The following SANBR variants were observed in gnomAD, a reference collection of about 807,000 sequenced individuals.
SANBR encodes SANT and BTB domain regulator of CSR, also known as SANT and BTB domain regulator of class switch recombination.
A neutral mutation model predicts 101.8 loss-of-function variants in SANBR; 77 were observed. The observed-to-expected ratio is 0.76, with a 90% CI of 0.63 to 0.91. The LOEUF is 0.91. Among genes scored for constraint, SANBR ranks in the 40% least tolerant of loss-of-function variants. SANBR has a pLI of 0.00. For synonymous variants in SANBR, 279 were observed against 274.7 expected (o/e 1.02, Z -0.15); for missense variants, 875 against 853.0 (o/e 1.03, Z -0.32).
rs1447821299 is a variant in SANBR at position 61,088,378 on chromosome 2, T to G, written c.998T>G (p.Leu333Arg). Residue 333 changes from leucine (L) to arginine (R), a missense_variant, in exon 10 of 22, where the codon CTT becomes CGT. Coordinates refer to ENST00000402291, the MANE Select transcript of SANBR (RefSeq NM_001129993.3). ...TLYRCCLCKK[L>R]LTKETERRIP... ...TATAGATGCTGTTTGTGTAAGAAAC[T>G]TTTAACAAAAGAAACAGAAAGAAGA... The G allele has an allele frequency of 1.9e-6, 3 of 1,596,284 alleles. No individual in the cohort carries two copies. The highest frequency in any genetic ancestry group is 2.3e-5 in the South Asian group (2 of 87,206).
chr2:61,081,780 C>T (rs13431042), intron 7 of SANBR, among the ~76,000 whole-genome samples: 3,275 of 152,212 alleles, frequency 0.022, 131 homozygotes, highest in African/African-American at 0.074. Context: ...TCCCGAGTAG[C>T]TGGGACTACA....
At chr2:61,102,123 C>T (rs1428988560) in intron 12 of SANBR, among the ~76,000 whole-genome samples, 1 of 152,050 alleles carries the variant, frequency 6.6e-6, no homozygotes, top group African/African-American at 2.4e-5. Flanking sequence ...CCTGTAATCC[C>T]AGCACTTTGG....
intron 10 of SANBR, chr2:61,089,151 GA>G: frequency 1.0e-6 from 1 of 984,786 alleles, no homozygotes. Flanking sequence ...AAATTTTGGT[GA>G]GGAAAATTGT....
chr2:61,090,328 T>A (rs1292204295), intron 10 of SANBR: 1 of 152,294 alleles, frequency 6.6e-6, no homozygotes, highest in Non-Finnish European at 1.5e-5. Flanking sequence ...AGAAACCCTA[T>A]GAATGTTAAA....
chr2:61,107,262 A>AT (rs1683618645), intron 14 of SANBR, among the ~76,000 whole-genome samples: 1 of 152,076 alleles, frequency 6.6e-6, no homozygotes, highest in Admixed American at 6.6e-5. Flanking sequence ...ATGAATGGAT[A>AT]TTTTGTTTCC....
At position 61,109,253 on chromosome 2, in the gene SANBR, TG is replaced by T; in HGVS notation, c.1702del (p.Glu568LysfsTer56). ...EEYTTGSEVT[E>X]DEVGDEEEVS... Reference sequence around the variant, plus strand: ...AATATACCACTGGATCTGAGGTCACTGAAGATGAAGTTGGAGATGAAGAAGA... The same window carrying T: ...AATATACCACTGGATCTGAGGTCACTAAGATGAAGTTGGAGATGAAGAAGA... On this transcript the variant is annotated frameshift_variant, in exon 16 of 22. Coordinates refer to ENST00000402291, the MANE Select transcript of SANBR (RefSeq NM_001129993.3). LOFTEE classifies it high-confidence loss of function. The T allele has an allele frequency of 1.3e-6, 2 of 1,579,816 alleles. No individual in the cohort carries two copies. The highest frequency in any genetic ancestry group is 1.7e-6 in the Non-Finnish European group (2 of 1,161,190).
intron 6 of SANBR, 86 bp from the exon 7 acceptor site, chr2:61,081,366 T>C: frequency 8.0e-7 from 1 of 1,254,098 alleles, no homozygotes. Flanking sequence ...ATTCCAGTAA[T>C]GTCCTCTTTT....
rs1160014325 is a variant in SANBR at position 61,109,195 on chromosome 2, A to G, written c.1645-2A>G. ...TTTATAATAGATTTTTTTTTAACTTAGAAACAACAGTCACTGTTTTCAGAA... is the reference window on the plus strand; with the variant it reads ...TTTATAATAGATTTTTTTTTAACTTGGAAACAACAGTCACTGTTTTCAGAA... On this transcript the variant is annotated splice_acceptor_variant, in intron 15 of 21. Coordinates refer to ENST00000402291, the MANE Select transcript of SANBR (RefSeq NM_001129993.3). LOFTEE classifies it high-confidence loss of function. 3 of 1,424,774 alleles carry G rather than the reference A, an allele frequency of 2.1e-6. No homozygotes were observed. The highest frequency in any genetic ancestry group is 4.6e-5 in the Admixed American group (2 of 43,332). 88.3% of individuals were successfully genotyped at this position (1,424,774 alleles called of 1,614,324 possible). A position where few individuals can be genotyped will look rare whatever the true frequency, so the allele number is the denominator to read the frequency against.
At chr2:61,115,691 G>C (rs1684044041) in intron 16 of SANBR, 1 of 192,630 alleles carries the variant, frequency 5.2e-6, no homozygotes, top group Non-Finnish European at 1.1e-5. Context: ...AGCAGAGATT[G>C]CAGTGAGCCG....
At chr2:61,088,132 A>T in intron 8 of SANBR, 27 bp from the exon 9 acceptor site, 1 of 1,288,464 alleles carries the variant, frequency 7.8e-7, no homozygotes, top group Non-Finnish European at 1.1e-6. Context: ...GTAGAAAATT[A>T]ATATTTTGGT....
intron 12 of SANBR, among the ~76,000 whole-genome samples, chr2:61,102,690 C>G (rs1189276171): frequency 6.6e-6 from 1 of 151,872 alleles, no homozygotes; most frequent in Non-Finnish European, 1.5e-5. Context: ...GTGCGTGCCA[C>G]CATGCCTGGC....
At chr2:61,081,728 A>G (rs1382728842) in intron 7 of SANBR, among the ~76,000 whole-genome samples, 1 of 152,200 alleles carries the variant, frequency 6.6e-6, no homozygotes, top group African/African-American at 2.4e-5. Context: ...AGCTCACTGC[A>G]ACCTCTGCTT....
At chr2:61,098,006 C>T (rs1683110176) in intron 12 of SANBR, among the ~76,000 whole-genome samples, 154 bp downstream of exon 12, 1 of 151,562 alleles carries the variant, frequency 6.6e-6, no homozygotes, top group Admixed American at 6.6e-5. Context: ...TAGAGATAAT[C>T]ACTGTTAATG....
chr2:61,071,179 T>A (rs1357122125), intron 3 of SANBR, among the ~76,000 whole-genome samples: 1 of 152,172 alleles, frequency 6.6e-6, no homozygotes, highest in Admixed American at 6.6e-5. Context: ...CAGGTTAATA[T>A]TTGCTTACAA....
At chr2:61,117,057 C>CAAA (rs200334199) in intron 17 of SANBR, 43 of 317,402 alleles carry the variant, frequency 1.4e-4, no homozygotes, top group African/African-American at 2.6e-4. Flanking sequence ...ACCCTGTCTT[C>CAAA]AAAAAAAAAA....
At chr2:61,074,693 C>T (rs1482891061) in intron 5 of SANBR, among the ~76,000 whole-genome samples, 3 of 152,190 alleles carry the variant, frequency 2.0e-5, no homozygotes, top group South Asian at 2.1e-4. Context: ...TGTGATCCAC[C>T]GCATCTGGCC....
chr2:61,111,023 TCA>T, intron 16 of SANBR, among the ~76,000 whole-genome samples: 1 of 152,272 alleles, frequency 6.6e-6, no homozygotes, highest in Admixed American at 6.5e-5. Context: ...TAGATGGTAG[TCA>T]GACATGGGAC....
chr2:61,122,454 T>G lies in SANBR; in HGVS notation c.*292T>G. On this transcript the variant is annotated 3_prime_UTR_variant, in exon 22 of 22. Coordinates refer to ENST00000402291, the MANE Select transcript of SANBR (RefSeq NM_001129993.3). ...ACTCCCAGTGTTTTCCTTTATTTAT[T>G]TGAAAAAGAAAGGCCTAAACTGTCA... 2.7e-6 allele frequency: 3 copies of G among 1,109,482 alleles called. No individual in the cohort carries two copies. Among genetic ancestry groups the G allele is most frequent in the Non-Finnish European group, 3.3e-6 (3 of 910,840 alleles). The allele number at this position is 1,109,482 out of a possible 1,614,324, so 68.7% of individuals were successfully genotyped here.
At chr2:61,134,165 C>T (rs781585181) in exon 21 of SANBR, 19 of 1,613,978 alleles carry the variant, frequency 1.2e-5, no homozygotes, top group Non-Finnish European at 1.6e-5. Flanking sequence ...AGAGACGGCA[C>T]TGTGTCTAAG....
Sources: allele counts gnomAD v4.1 joint callset (sites outside exome capture counted in the v4.1 genomes callset), GRCh38; gene constraint gnomAD v4.1.1; transcripts MANE v1.5; gene names NCBI Gene and HGNC (gene_info 2026-07-23, HGNC 2026-07-21).